SLC25A21: variants seen among roughly 807,000 people sequenced by gnomAD.
SLC25A21 encodes the protein solute carrier family 25 member 21, also known as mitochondrial 2-oxodicarboxylate carrier.
In SLC25A21, 47 loss-of-function variants were observed where a neutral mutation model predicts 43.8. The ratio of observed to expected loss-of-function variants is 1.07; its 90% CI spans 0.85 to 1.37. SLC25A21 has a LOEUF of 1.37. SLC25A21 is among the 40% of genes most tolerant of loss of function. SLC25A21 has a pLI of 0.00. For synonymous variants in SLC25A21, 131 were observed against 121.3 expected (o/e 1.08, Z -0.52); for missense variants, 352 against 350.2 (o/e 1.00, Z -0.04).
intron 1 of SLC25A21, among the ~76,000 whole-genome samples, chr14:36,902,133 C>T (rs1293659635): frequency 6.6e-6 from 1 of 152,190 alleles, no homozygotes; most frequent in African/African-American, 2.4e-5. Context: ...TCTCATTTTA[C>T]ATGACACATA....
chr14:37,004,818 A>G (rs555093425), intron 1 of SLC25A21, among the ~76,000 whole-genome samples: 1 of 151,268 alleles, frequency 6.6e-6, no homozygotes, highest in East Asian at 2.0e-4. Flanking sequence ...AGGTTTACTG[A>G]TTTCAAATCC....
chr14:37,095,400 C>A (rs1962669282), intron 1 of SLC25A21, among the ~76,000 whole-genome samples: 1 of 152,132 alleles, frequency 6.6e-6, no homozygotes, highest in Admixed American at 6.5e-5. Flanking sequence ...TGCCTGTAAG[C>A]CCAGCTACTT....
chr14:37,090,287 T>C (rs2138849627), intron 1 of SLC25A21, among the ~76,000 whole-genome samples: 1 of 152,356 alleles, frequency 6.6e-6, no homozygotes, highest in East Asian at 1.9e-4. Context: ...TCAGTCAGCA[T>C]ACTTGCTGCT....
intron 1 of SLC25A21, among the ~76,000 whole-genome samples, chr14:36,880,228 A>C (rs1367760390): frequency 2.6e-5 from 4 of 152,146 alleles, no homozygotes. Flanking sequence ...CTCCCATCTT[A>C]CTAGTGGAAT....
intron 2 of SLC25A21, among the ~76,000 whole-genome samples, chr14:36,824,845 GGAGA>G (rs1888766949): frequency 6.6e-6 from 1 of 151,064 alleles, no homozygotes; most frequent in Non-Finnish European, 1.5e-5. Flanking sequence ...ACTGTGATGG[GGAGA>G]GAGAGCCAGC....
intron 1 of SLC25A21, among the ~76,000 whole-genome samples, chr14:37,144,531 T>C (rs1353260161): frequency 6.6e-6 from 1 of 152,160 alleles, no homozygotes; most frequent in Admixed American, 6.5e-5. Flanking sequence ...AGAAGCAAAG[T>C]AATGACTCCA....
chr14:36,843,845 C>T (rs1889460983), intron 2 of SLC25A21, among the ~76,000 whole-genome samples: 1 of 152,196 alleles, frequency 6.6e-6, no homozygotes, highest in Admixed American at 6.5e-5. Flanking sequence ...TTGTTTTTTG[C>T]ATCCAGTGCA....
At chr14:37,072,200 A>AAG (rs1962187848) in intron 1 of SLC25A21, among the ~76,000 whole-genome samples, 1 of 151,002 alleles carries the variant, frequency 6.6e-6, no homozygotes, top group Non-Finnish European at 1.5e-5. Context: ...AAAAAAAAAA[A>AAG]GTGGAGGAAA....
chr14:37,167,331 G>A (rs1964046236), intron 1 of SLC25A21, among the ~76,000 whole-genome samples: 1 of 152,058 alleles, frequency 6.6e-6, no homozygotes, highest in Admixed American at 6.5e-5. Flanking sequence ...CAATGACTTG[G>A]GGCCCTTCCA....
At chr14:36,886,045 T>C (rs184717769) in intron 1 of SLC25A21, among the ~76,000 whole-genome samples, 1 of 152,328 alleles carries the variant, frequency 6.6e-6, no homozygotes, top group Non-Finnish European at 1.5e-5. Context: ...CATAGAGGAA[T>C]GAATGGTTTC....
chr14:36,849,393 C>T (rs550383839), intron 2 of SLC25A21, among the ~76,000 whole-genome samples: 5 of 152,010 alleles, frequency 3.3e-5, no homozygotes, highest in African/African-American at 1.2e-4. Flanking sequence ...TCAACAAATC[C>T]GATGTTAAGG....
At chr14:37,091,886 G>T (rs1962593700) in intron 1 of SLC25A21, among the ~76,000 whole-genome samples, 1 of 152,178 alleles carries the variant, frequency 6.6e-6, no homozygotes, top group African/African-American at 2.4e-5. Flanking sequence ...CTAGTACTTT[G>T]GGAGGCCAAG....
chr14:37,025,938 G>A (rs2138760725), intron 1 of SLC25A21, among the ~76,000 whole-genome samples: 1 of 152,172 alleles, frequency 6.6e-6, no homozygotes, highest in East Asian at 1.9e-4. Context: ...AACCTATATA[G>A]CAAACGGAAA....
chr14:36,978,019 T>C (rs991129971), intron 1 of SLC25A21, among the ~76,000 whole-genome samples: 1 of 151,884 alleles, frequency 6.6e-6, no homozygotes, highest in Non-Finnish European at 1.5e-5. Flanking sequence ...GAGGCAACCA[T>C]TGGCAATAAC....
intron 7 of SLC25A21, among the ~76,000 whole-genome samples, chr14:36,691,570 C>G (rs1882795586): frequency 6.6e-6 from 1 of 152,164 alleles, no homozygotes; most frequent in Non-Finnish European, 1.5e-5. Flanking sequence ...GTTAACTACT[C>G]TTGATGTAAT....
At chr14:37,116,847 G>C (rs961404097) in intron 1 of SLC25A21, among the ~76,000 whole-genome samples, 1 of 152,080 alleles carries the variant, frequency 6.6e-6, no homozygotes, top group African/African-American at 2.4e-5. Context: ...TAATTGCCCA[G>C]ATTTCAAAGA....
chr14:36,953,165 T>C (rs377065161), intron 1 of SLC25A21, among the ~76,000 whole-genome samples: 3 of 152,236 alleles, frequency 2.0e-5, no homozygotes, highest in African/African-American at 7.2e-5. Flanking sequence ...AAGCTATTAC[T>C]AATCAGCAAT....
At chr14:37,116,068 C>T (rs533145782) in intron 1 of SLC25A21, among the ~76,000 whole-genome samples, 1 of 152,068 alleles carries the variant, frequency 6.6e-6, no homozygotes, top group East Asian at 1.9e-4. Context: ...GATAAGAAAA[C>T]TCAAAGAGTT....
chr14:37,130,808 C>A (rs1963380105), intron 1 of SLC25A21, among the ~76,000 whole-genome samples: 1 of 151,994 alleles, frequency 6.6e-6, no homozygotes, highest in Non-Finnish European at 1.5e-5. Context: ...TTAGATGAGG[C>A]AAAAATACAA....
Sources: gnomAD v4.1 joint callset for allele counts (sites outside exome capture counted in the v4.1 genomes callset) on GRCh38, gnomAD v4.1.1 for gene constraint, MANE v1.5 for transcripts, NCBI Gene and HGNC (gene_info 2026-07-23, HGNC 2026-07-21) for gene names.